The following NKAIN3 variants were observed in gnomAD, a reference collection of about 807,000 sequenced individuals.
NKAIN3 encodes sodium/potassium-transporting ATPase subunit beta-1-interacting protein 3.
NKAIN3 carries 25 observed loss-of-function variants against 30.2 expected under a neutral mutation model. The observed-to-expected ratio is 0.83, with a 90% CI of 0.60 to 1.16. NKAIN3 has a LOEUF of 1.16. Ranked by LOEUF, NKAIN3 falls within the 50% of genes most tolerant of loss-of-function variation. The pLI is 0.00. For synonymous variants in NKAIN3, 91 were observed against 89.6 expected (o/e 1.02, Z -0.09); for missense variants, 225 against 254.1 (o/e 0.89, Z 0.78).
At chr8:62,985,055 A>G (rs1168552841), downstream of NKAIN3, among the ~76,000 whole-genome samples, 1 of 152,190 alleles carries the variant, frequency 6.6e-6, no homozygotes, top group East Asian at 1.9e-4. Flanking sequence ...CTTAAGCTAC[A>G]TGACTATAGG....
chr8:62,314,534 C>A (rs930237464), intron 1 of NKAIN3, among the ~76,000 whole-genome samples: 5 of 152,210 alleles, frequency 3.3e-5, no homozygotes, highest in Non-Finnish European at 1.5e-5. Context: ...GGAAGCTGAT[C>A]TTTCCTTGTG....
At chr8:62,305,853 GT>G (rs1814219554) in intron 1 of NKAIN3, among the ~76,000 whole-genome samples, 1 of 150,234 alleles carries the variant, frequency 6.7e-6, no homozygotes. Flanking sequence ...CAAATGAGGA[GT>G]TTGACCTGTG....
intron 1 of NKAIN3, among the ~76,000 whole-genome samples, chr8:62,266,180 A>G (rs999273987): frequency 1.3e-5 from 2 of 152,156 alleles, no homozygotes; most frequent in Non-Finnish European, 2.9e-5. Flanking sequence ...GCCTTACTCC[A>G]TAGGAAATGA....
At chr8:62,916,490 C>G (rs943259018) in intron 4 of NKAIN3, among the ~76,000 whole-genome samples, 1 of 152,124 alleles carries the variant, frequency 6.6e-6, no homozygotes, top group Non-Finnish European at 1.5e-5. Flanking sequence ...TGGTAGAATA[C>G]AGTTGAAAGG....
intron 3 of NKAIN3, among the ~76,000 whole-genome samples, chr8:62,669,990 T>C (rs139511851): frequency 6.6e-5 from 10 of 152,328 alleles, no homozygotes; most frequent in African/African-American, 2.2e-4. Context: ...CCAATGTTTT[T>C]TTCCACAAAA....
At chr8:62,509,435 T>A (rs1282017998) in intron 1 of NKAIN3, among the ~76,000 whole-genome samples, 1 of 152,170 alleles carries the variant, frequency 6.6e-6, no homozygotes, top group Non-Finnish European at 1.5e-5. Context: ...GAGCTTCCCC[T>A]GTCTGCTCCT....
chr8:62,862,757 T>C (rs1820291145), intron 4 of NKAIN3, among the ~76,000 whole-genome samples: 1 of 152,110 alleles, frequency 6.6e-6, no homozygotes. Flanking sequence ...GAATGAAGAC[T>C]CAGGAAATAA....
intron 4 of NKAIN3, among the ~76,000 whole-genome samples, chr8:62,748,952 A>T (rs1297280457): frequency 6.6e-6 from 1 of 152,096 alleles, no homozygotes; most frequent in Non-Finnish European, 1.5e-5. Flanking sequence ...GGCAAAATAT[A>T]TATGTTTAAA....
intron 3 of NKAIN3, among the ~76,000 whole-genome samples, chr8:62,738,695 T>C (rs920223491): frequency 6.6e-6 from 1 of 152,150 alleles, no homozygotes; most frequent in Non-Finnish European, 1.5e-5. Flanking sequence ...CTTGTAAATT[T>C]ATTTAAGTTC....
At chr8:62,344,767 C>G (rs1815874805) in intron 1 of NKAIN3, 5 of 360,284 alleles carry the variant, frequency 1.4e-5, no homozygotes, top group South Asian at 9.2e-5. Context: ...TAGTAAGCCA[C>G]TGATAAAACT....
chr8:62,958,104 G>C (rs1381326052), intron 6 of NKAIN3, among the ~76,000 whole-genome samples: 1 of 152,136 alleles, frequency 6.6e-6, no homozygotes, highest in East Asian at 1.9e-4. Flanking sequence ...TGATTGGCTT[G>C]GCCGTTCTAC....
intron 1 of NKAIN3, among the ~76,000 whole-genome samples, chr8:62,565,357 C>T (rs1585953294): frequency 8.6e-6 from 1 of 116,932 alleles, no homozygotes; most frequent in African/African-American, 2.7e-5. Context: ...CATGGGCATA[C>T]GTGTGTGCGT....
intron 3 of NKAIN3, among the ~76,000 whole-genome samples, chr8:62,707,368 C>T (rs896308348): frequency 5.3e-5 from 8 of 152,040 alleles, no homozygotes; most frequent in Non-Finnish European, 8.8e-5. Context: ...GTTTCCTGTT[C>T]GCCACACTCA....
intron 6 of NKAIN3, among the ~76,000 whole-genome samples, chr8:62,961,078 G>A (rs1268744487): frequency 2.6e-5 from 4 of 152,162 alleles, no homozygotes; most frequent in Admixed American, 6.5e-5. Flanking sequence ...TCAGGAGTTC[G>A]ACACCAGCCT....
At chr8:62,432,534 AAT>A (rs1805042938) in intron 1 of NKAIN3, among the ~76,000 whole-genome samples, 1 of 152,090 alleles carries the variant, frequency 6.6e-6, no homozygotes, top group Non-Finnish European at 1.5e-5. Context: ...AAAACTGTAC[AAT>A]AGCATGATAT....
intron 3 of NKAIN3, among the ~76,000 whole-genome samples, chr8:62,642,023 G>A (rs751285935): frequency 9.9e-5 from 15 of 151,956 alleles, no homozygotes; most frequent in Admixed American, 2.6e-4. Flanking sequence ...AGAGATATAT[G>A]GATGAAACAA....
chr8:62,878,154 G>A (rs1586301938), intron 4 of NKAIN3, among the ~76,000 whole-genome samples: 3 of 151,980 alleles, frequency 2.0e-5, no homozygotes, highest in East Asian at 1.9e-4. Flanking sequence ...TTCTTCAGGT[G>A]TTTTAGAATA....
chr8:62,406,991 A>G (rs149904397), intron 1 of NKAIN3, among the ~76,000 whole-genome samples: 147 of 152,318 alleles, frequency 9.7e-4, no homozygotes, highest in African/African-American at 3.5e-3. Flanking sequence ...TGATACTGTC[A>G]TCACTGGCTG....
intron 3 of NKAIN3, among the ~76,000 whole-genome samples, chr8:62,654,404 G>C (rs1210115287): frequency 6.6e-6 from 1 of 152,058 alleles, no homozygotes; most frequent in Non-Finnish European, 1.5e-5. Flanking sequence ...TCCTAAGACA[G>C]GTCATAAGTT....
Sources: allele counts gnomAD v4.1 joint callset (sites outside exome capture counted in the v4.1 genomes callset), GRCh38; gene constraint gnomAD v4.1.1; transcripts MANE v1.5; gene names NCBI Gene and HGNC (gene_info 2026-07-23, HGNC 2026-07-21).